Variants in ROBO2 observed in about 807,000 individuals in gnomAD.
ROBO2 encodes the protein roundabout homolog 2.
In ROBO2, 53 loss-of-function variants were observed where a neutral mutation model predicts 160.8. The observed-to-expected ratio is 0.33, with a 90% CI of 0.26 to 0.41. The LOEUF is 0.41. ROBO2 is among the 10% of genes least tolerant of loss of function. The pLI, the probability that ROBO2 is intolerant of heterozygous loss-of-function variation, is 1.00. For synonymous variants in ROBO2, 664 were observed against 611.7 expected, an observed-to-expected ratio of 1.09 and a Z score of -1.26; for missense variants, 1,577 against 1,722.4, an observed-to-expected ratio of 0.92 and a Z score of 1.49.
At chr3:77,040,824 A>T in exon 1 of ROBO2, 2 of 1,614,018 alleles carry the variant, frequency 1.2e-6, no homozygotes, top group Non-Finnish European at 1.7e-6. Flanking sequence ...TGCTCTGTGG[A>T]TTTTTATATG....
chr3:76,281,703 A>G (rs1404361957), intron 2 of ROBO2, among the ~76,000 whole-genome samples: 3 of 152,018 alleles, frequency 2.0e-5, no homozygotes, highest in African/African-American at 2.4e-5. Flanking sequence ...GATGCAAGCA[A>G]TATTCTCTGC....
chr3:77,360,596 G>T (rs1370809164), intron 2 of ROBO2, among the ~76,000 whole-genome samples: 1 of 149,708 alleles, frequency 6.7e-6, no homozygotes, highest in African/African-American at 2.5e-5. Context: ...AAAATGCTAG[G>T]AGTAATTTTT....
At chr3:76,824,505 T>G (rs544713921) in intron 2 of ROBO2, among the ~76,000 whole-genome samples, 1 of 152,268 alleles carries the variant, frequency 6.6e-6, no homozygotes, top group African/African-American at 2.4e-5. Flanking sequence ...CTTTCATACT[T>G]TTCTAAACTT....
intron 2 of ROBO2, among the ~76,000 whole-genome samples, chr3:77,244,704 C>T (rs2089492317): frequency 6.6e-6 from 1 of 151,562 alleles, no homozygotes; most frequent in Non-Finnish European, 1.5e-5. Context: ...ATGGTGAAAC[C>T]CCATCTCTAC....
At chr3:76,257,052 C>T (rs1006424035) in intron 2 of ROBO2, among the ~76,000 whole-genome samples, 5 of 151,874 alleles carry the variant, frequency 3.3e-5, no homozygotes, top group Non-Finnish European at 7.4e-5. Flanking sequence ...CGGCCCAGCC[C>T]CCACCTCTAA....
At chr3:77,251,119 ATC>A (rs968205198) in intron 2 of ROBO2, among the ~76,000 whole-genome samples, 2 of 151,998 alleles carry the variant, frequency 1.3e-5, no homozygotes, top group Non-Finnish European at 2.9e-5. Context: ...TTAGTAGGGA[ATC>A]TCTGTGATGA....
intron 1 of ROBO2, among the ~76,000 whole-genome samples, chr3:75,932,581 A>G (rs139141626): frequency 4.5e-4 from 69 of 152,340 alleles, no homozygotes; most frequent in Non-Finnish European, 5.9e-5. Context: ...CAGAAGCAGA[A>G]CGTTTATGCA....
intron 2 of ROBO2, among the ~76,000 whole-genome samples, chr3:77,206,068 C>T (rs1246178130): frequency 6.6e-6 from 1 of 152,070 alleles, no homozygotes; most frequent in Non-Finnish European, 1.5e-5. Context: ...GGTTGGGCTG[C>T]GTAACTCCGG....
At chr3:77,135,872 C>T (rs78018369) in intron 2 of ROBO2, among the ~76,000 whole-genome samples, 7,451 of 151,960 alleles carry the variant, frequency 0.049, 211 homozygotes, top group East Asian at 0.085. Flanking sequence ...AACAAACAAA[C>T]GAACAAAAAA....
chr3:77,195,890 G>A (rs927533343), intron 2 of ROBO2, among the ~76,000 whole-genome samples: 3 of 152,172 alleles, frequency 2.0e-5, no homozygotes, highest in Non-Finnish European at 2.9e-5. Flanking sequence ...GTATTGCGCT[G>A]ATGAGCCAGG....
At chr3:77,503,734 A>G (rs543464429) in intron 5 of ROBO2, among the ~76,000 whole-genome samples, 1 of 151,704 alleles carries the variant, frequency 6.6e-6, no homozygotes, top group Admixed American at 6.6e-5. Context: ...TCTACCCAAT[A>G]AATATTTTTT....
intron 23 of ROBO2, among the ~76,000 whole-genome samples, chr3:77,626,152 CTGAG>C (rs1158952493): frequency 1.3e-5 from 2 of 152,078 alleles, no homozygotes; most frequent in Non-Finnish European, 2.9e-5. Context: ...ATATGTGGAA[CTGAG>C]TGTGTGTGTA....
intron 5 of ROBO2, among the ~76,000 whole-genome samples, chr3:77,516,772 G>A (rs948236529): frequency 6.6e-6 from 1 of 151,518 alleles, no homozygotes; most frequent in Non-Finnish European, 1.5e-5. Flanking sequence ...CTAATTGCTG[G>A]TATATAAACA....
At chr3:76,779,318 C>T (rs1168886962) in intron 2 of ROBO2, among the ~76,000 whole-genome samples, 2 of 150,862 alleles carry the variant, frequency 1.3e-5, no homozygotes, top group Non-Finnish European at 3.0e-5. Context: ...TTTCCTCTAG[C>T]CTCCTTTATT....
intron 2 of ROBO2, among the ~76,000 whole-genome samples, chr3:77,469,035 C>G (rs1243171035): frequency 6.6e-6 from 1 of 152,124 alleles, no homozygotes; most frequent in Non-Finnish European, 1.5e-5. Flanking sequence ...CCCATCCTGA[C>G]CATATTTTGT....
intron 2 of ROBO2, among the ~76,000 whole-genome samples, chr3:76,965,801 A>G (rs1345105880): frequency 6.8e-6 from 1 of 146,566 alleles, no homozygotes; most frequent in Non-Finnish European, 1.5e-5. Context: ...ATATATATAT[A>G]TATATATATT....
intron 2 of ROBO2, among the ~76,000 whole-genome samples, chr3:76,364,087 G>A (rs559869690): frequency 4.2e-4 from 64 of 152,100 alleles, no homozygotes; most frequent in Admixed American, 1.2e-3. Context: ...CACTGCCTCC[G>A]TCACATTATA....
chr3:76,565,697 A>C (rs2084475545), intron 2 of ROBO2, among the ~76,000 whole-genome samples: 1 of 152,204 alleles, frequency 6.6e-6, no homozygotes, highest in Non-Finnish European at 1.5e-5. Flanking sequence ...TTAAGGGTTG[A>C]CCACTCTGTG....
At chr3:77,452,269 G>A (rs1560873382) in intron 2 of ROBO2, among the ~76,000 whole-genome samples, 2 of 152,174 alleles carry the variant, frequency 1.3e-5, no homozygotes, top group Admixed American at 6.5e-5. Context: ...AGAGTGAGAT[G>A]TTCACATTTC....
Sources: allele counts gnomAD v4.1 joint callset (sites outside exome capture counted in the v4.1 genomes callset), GRCh38; gene constraint gnomAD v4.1.1; transcripts MANE v1.5; gene names NCBI Gene and HGNC (gene_info 2026-07-23, HGNC 2026-07-21).